The following PEAR1 variants were observed in gnomAD, a reference collection of about 807,000 sequenced individuals.
The protein encoded by PEAR1 is platelet endothelial aggregation receptor 1, also known as multiple EGF-like domains protein 12.
In PEAR1, 113 loss-of-function variants were observed where a neutral mutation model predicts 131.2. The observed-to-expected ratio is 0.86, with a 90% CI of 0.74 to 1.01. PEAR1 has a LOEUF of 1.01. Among genes scored for constraint, PEAR1 ranks in the 50% least tolerant of loss-of-function variants. The pLI is 0.00. For missense variants in PEAR1, 1,408 were observed against 1,391.1 expected (o/e 1.01, Z -0.19); for synonymous variants, 565 against 523.3 (o/e 1.08, Z -1.09).
rs765616081 is a variant in PEAR1, at chr1:156,904,895, T to C, written c.206+43T>C. ...TCCATGGGTGGATGGGCTACCTGAG[T>C]CGCTGCCTCAGCCTGGCCCCTGGCC... On this transcript the variant is annotated intron_variant, in intron 3 of 22. Transcript: ENST00000292357. The C allele has an allele frequency of 1.9e-6, 3 of 1,612,506 alleles. No individual in the cohort carries two copies. In the South Asian group the frequency reaches 3.3e-5, roughly 18 times the overall value.
At chr1:156,907,387 GCCA>G (rs1650451388) in intron 6 of PEAR1, among the ~76,000 whole-genome samples, 1 of 152,294 alleles carries the variant, frequency 6.6e-6, no homozygotes, top group East Asian at 1.9e-4. Context: ...AGGCAGACAT[GCCA>G]CCCGTGGCTC....
At chr1:156,912,693 C>G (rs1558147424) in intron 17 of PEAR1, 71 bp downstream of exon 17, 3 of 1,610,542 alleles carry the variant, frequency 1.9e-6, no homozygotes, top group Non-Finnish European at 2.5e-6. Flanking sequence ...TCATACAGTC[C>G]CTACTTCCCT....
At chr1:156,907,867 G>C (rs375390890) in intron 7 of PEAR1, 48 bp from the exon 8 acceptor site, 4 of 1,595,186 alleles carry the variant, frequency 2.5e-6, no homozygotes, top group Admixed American at 1.7e-5. Flanking sequence ...TGTGGCCTTG[G>C]GGAGGAGGCT....
Position 156,911,094 on chromosome 1 carries a change from C to T in PEAR1, c.1951+351C>T, listed in dbSNP as rs367871916. Among the ~76,000 whole-genome samples the T allele has an allele frequency of 2.4e-3, 147 of 60,380 alleles. 2 individuals are homozygous for T. Among genetic ancestry groups the T allele is most frequent in the South Asian group, 5.2e-3 (10 of 1,922 alleles). The allele number at this position is 60,380 out of a possible 152,430, so 39.6% of individuals were successfully genotyped here. On this transcript the variant is annotated intron_variant, in intron 15 of 22. Transcript: ENST00000292357. ...CTTTCTTTCTTTCTTTCTTTCTTTC[C>T]TTTCTTTCTTTCTTTTCTTTCTTCT...
In PEAR1 at chr1:156,914,655, T is replaced by A; in HGVS notation, c.2971T>A (p.Ser991Thr). Residue 991 changes from serine to threonine, a missense_variant, in exon 23 of 23, where the codon TCT becomes ACT. Physicochemically the swap from Ser to Thr is moderately conservative, Grantham distance 58. Transcript: ENST00000292357. Reference protein sequence around the residue: ...QPSPLIHDRDSVGSQPPLPPG... With the variant: ...QPSPLIHDRDTVGSQPPLPPG... ...TGTCCTCATGTTTCCAGACCGAGAC[T>A]CTGTGGGCTCCCAGCCCCCTCTGCC... is the stretch of plus-strand genomic sequence containing the variant. 1 of 1,611,764 alleles carries A rather than the reference T, an allele frequency of 6.2e-7. No homozygotes were observed. Among genetic ancestry groups the A allele is most frequent in the Non-Finnish European group, 8.5e-7 (1 of 1,178,792 alleles).
intron 11 of PEAR1, among the ~76,000 whole-genome samples, chr1:156,909,532 A>G (rs1650792686): frequency 6.6e-6 from 1 of 152,212 alleles, no homozygotes; most frequent in Admixed American, 6.5e-5. Context: ...ATTTTGCAGA[A>G]GGCACCCCAG....
rs1373152123 is a variant in PEAR1, at chr1:156,908,636, C to T, written c.1116-19C>T. 6.6e-7 allele frequency: 1 copy of T among 1,509,226 alleles called. No individual in the cohort carries two copies. The highest frequency in any genetic ancestry group is 8.8e-7 in the Non-Finnish European group (1 of 1,132,336). 93.5% of individuals were successfully genotyped at this position (1,509,226 alleles called of 1,614,324 possible). ...CCTGCCCAGCTCAGACCGCGCCACG[C>T]CCCCGCCTCTGCCCCCAGCTGCCAC... On this transcript the variant is annotated intron_variant, in intron 9 of 22. Transcript: ENST00000292357. The surrounding 1 kb of genome is among the most constrained non-coding windows in gnomAD (Gnocchi z 4.2).
chr1:156,909,773 T>C lies in PEAR1; in HGVS notation c.1434T>C (p.Ser478=). The change falls in exon 12 of 23, where the codon TCT becomes TCC. Residue 478 remains serine, a synonymous_variant. Coordinates refer to ENST00000292357, the MANE Select transcript of PEAR1 (RefSeq NM_001080471.3). ...CAGGTTGGCAGCGTGGTAACTGCTC[T>C]GTGCCCTGCCCACCCGGAACCTGGG... ...CKEGWQRGNC[S]VPCPPGTWGF... 6.2e-7 allele frequency: 1 copy of C among 1,612,776 alleles called. No homozygotes were observed.
At position 156,902,721 on chromosome 1, in the gene PEAR1, G is replaced by T. The variant is rs906441131; in HGVS notation, c.-9-1197G>T. Among the ~76,000 whole-genome samples the T allele has an allele frequency of 6.6e-6, 1 of 152,170 alleles. No homozygotes were observed. Among genetic ancestry groups the T allele is most frequent in the Admixed American group, 6.5e-5 (1 of 15,280 alleles). ...TATAAGCAGATGTGGGCGCCTCGGG[G>T]AGGCGTAGAGCAGGGAGCCAGAGCA... is the stretch of plus-strand genomic sequence containing the variant. On this transcript the variant is annotated intron_variant, in intron 1 of 22. Coordinates refer to ENST00000292357, the MANE Select transcript of PEAR1 (RefSeq NM_001080471.3). This position sits in a 1 kb window ranked among gnomAD's most constrained non-coding sequence, Gnocchi z 4.3.
At chr1:156,913,159 G>T (rs376930612) in intron 18 of PEAR1, 35 bp from the exon 19 acceptor site, 3 of 1,602,194 alleles carry the variant, frequency 1.9e-6, no homozygotes, top group East Asian at 4.5e-5. Flanking sequence ...CCTGCCCATC[G>T]CTGAGCTCAC....
rs1651355394 is a variant in PEAR1 at position 156,912,623 on chromosome 1, G to C, written c.2209+1G>C. Reference sequence around the variant, plus strand: ...CACAGTGGTGCACCTTGCAGGATTGGTGAGTTCTTTGCCCTCTCCTTCCCA... The same window carrying C: ...CACAGTGGTGCACCTTGCAGGATTGCTGAGTTCTTTGCCCTCTCCTTCCCA... On this transcript the variant is annotated splice_donor_variant, in intron 17 of 22. Transcript: ENST00000292357. LOFTEE classifies it high-confidence loss of function. 1 of 1,613,048 alleles carries C rather than the reference G, an allele frequency of 6.2e-7. No homozygotes were observed. Among genetic ancestry groups the C allele is most frequent in the Non-Finnish European group, 8.5e-7 (1 of 1,179,486 alleles).
intron 1 of PEAR1, among the ~76,000 whole-genome samples, chr1:156,903,643 G>T (rs145662369): frequency 0.015 from 2,270 of 152,266 alleles, 29 homozygotes; most frequent in South Asian, 0.039. Context: ...GGAGGGAAGG[G>T]GTGGCACCTG....
In PEAR1 at chr1:156,908,547, C is replaced by A; in HGVS notation, c.1116-108C>A. The stretch of plus-strand genomic sequence containing the variant: ...AATAGCGCGGAGCCTCCCTAGTGAC[C>A]CCCTTACCCCAGCGATGTGCGAATC... On this transcript the variant is annotated intron_variant, in intron 9 of 22. Coordinates refer to ENST00000292357, the MANE Select transcript of PEAR1 (RefSeq NM_001080471.3). The surrounding 1 kb of genome is among the most constrained non-coding windows in gnomAD (Gnocchi z 4.2). 1.6e-6 allele frequency: 2 copies of A among 1,251,062 alleles called. No homozygotes were observed. The highest frequency in any genetic ancestry group is 2.2e-6 in the Non-Finnish European group (2 of 928,876). 77.5% of individuals were successfully genotyped at this position (1,251,062 alleles called of 1,614,324 possible). A position where few individuals can be genotyped will look rare whatever the true frequency, so the allele number is the denominator to read the frequency against.
chr1:156,911,140 T>C lies in PEAR1; in HGVS notation c.1951+397T>C, dbSNP rs1386002632. Among the ~76,000 whole-genome samples the C allele has an allele frequency of 6.1e-4, 88 of 143,728 alleles. 2 individuals carry two copies. Among genetic ancestry groups the C allele is most frequent in the African/African-American group, 2.2e-3 (79 of 36,578 alleles). The allele number at this position is 143,728 out of a possible 152,430, so 94.3% of individuals were successfully genotyped here. The stretch of plus-strand genomic sequence containing the variant: ...CTTCTTTCTTTCTTTCCTTTCTTTC[T>C]TTTCTTTCTTTCTTTTTCTTTCTTT... On this transcript the variant is annotated intron_variant, in intron 15 of 22. Transcript: ENST00000292357.
rs1172903497 is a variant in PEAR1, at chr1:156,914,502, T to C, written c.2963-145T>C. The C allele has an allele frequency of 6.3e-6, 5 of 793,772 alleles. No homozygotes were observed. In the Admixed American group the frequency reaches 9.1e-5, roughly 14 times the overall value. The allele number at this position is 793,772 out of a possible 1,614,324, so 49.2% of individuals were successfully genotyped here. On this transcript the variant is annotated intron_variant, in intron 22 of 22. Transcript: ENST00000292357. ...TGCTTGGAGCCGCACGGCCAGCTGA[T>C]AGTAAACTGGTGTATGTATCCAGGC... is the stretch of plus-strand genomic sequence containing the variant.
chr1:156,914,616 A>T, intron 22 of PEAR1, 31 bp from the exon 23 acceptor site: 5 of 1,586,644 alleles, frequency 3.2e-6, no homozygotes, highest in Non-Finnish European at 4.3e-6. Flanking sequence ...GGGAGGAGCC[A>T]CTCCCTCTTA....
chr1:156,902,975 T>C lies in PEAR1; in HGVS notation c.-9-943T>C, dbSNP rs2768745. ...AGGCCAGGTTGGTGACCTCTTCAGG[T>C]GATGGCACCTAGAGTTGGGTGTTGT... On this transcript the variant is annotated intron_variant, in intron 1 of 22. Coordinates refer to ENST00000292357, the MANE Select transcript of PEAR1 (RefSeq NM_001080471.3). The surrounding 1 kb of genome is among the most constrained non-coding windows in gnomAD (Gnocchi z 4.3). Among the ~76,000 whole-genome samples the C allele has an allele frequency of 0.58, 88,592 of 151,956 alleles. 30,959 individuals are homozygous for C. The highest frequency in any genetic ancestry group is 0.79 in the Non-Finnish European group (53,972 of 67,948).
At position 156,906,620 on chromosome 1, in the gene PEAR1, G is replaced by A. The variant is rs756542634; in HGVS notation, c.401-17G>A. The A allele has an allele frequency of 2.3e-5, 37 of 1,613,782 alleles. No homozygotes were observed. Among genetic ancestry groups the A allele is most frequent in the African/African-American group, 6.7e-5 (5 of 74,918 alleles). On this transcript the variant is annotated splice_polypyrimidine_tract_variant and intron_variant, in intron 5 of 22. Transcript: ENST00000292357. The stretch of plus-strand genomic sequence containing the variant: ...CTAGACCCCTGGTGACCCCCTTCCC[G>A]CCTCCTTATCCCACAGAGTGTGCCC...
chr1:156,908,382 G>C lies in PEAR1; in HGVS notation c.1115+42G>C. 1 of 1,459,986 alleles carries C rather than the reference G, an allele frequency of 6.8e-7. No individual in the cohort carries two copies. Among genetic ancestry groups the C allele is most frequent in the Non-Finnish European group, 9.1e-7 (1 of 1,104,028 alleles). 90.4% of individuals were successfully genotyped at this position (1,459,986 alleles called of 1,614,324 possible). On this transcript the variant is annotated intron_variant, in intron 9 of 22. Coordinates refer to ENST00000292357, the MANE Select transcript of PEAR1 (RefSeq NM_001080471.3). This position sits in a 1 kb window ranked among gnomAD's most constrained non-coding sequence, Gnocchi z 4.2. The stretch of plus-strand genomic sequence containing the variant: ...GTGGTCAAAGGATCAGGAGGCCAAT[G>C]GGGAGGTCTTCCTGGCCGAAGTCAC...
Sources: gnomAD v4.1 joint callset for allele counts (sites outside exome capture counted in the v4.1 genomes callset) on GRCh38, gnomAD v4.1.1 for gene constraint, Gnocchi (gnomAD v3.1) non-coding constraint, MANE v1.5 for transcripts, NCBI Gene and HGNC (gene_info 2026-07-23, HGNC 2026-07-21) for gene names.